CIMIP2C: variants seen among roughly 807,000 people sequenced by gnomAD.
CIMIP2C encodes ciliary microtubule inner protein 2C, also known as UPF0573 protein C2orf70.
chr2:26,565,059 T>TTCCC, the CIMIP2C span, among the ~76,000 whole-genome samples: 6 of 143,318 alleles, frequency 4.2e-5, no homozygotes, highest in East Asian at 1.9e-4. Context: ...TTCTCCTTCT[T>TTCCC]CTTCCCCTTC....
chr2:26,573,627 G>A, the CIMIP2C span, among the ~76,000 whole-genome samples: 48 of 152,240 alleles, frequency 3.2e-4, no homozygotes, highest in Non-Finnish European at 5.0e-4. Flanking sequence ...CAATTCCTCC[G>A]TCTTCCCAGT....
the CIMIP2C span, chr2:26,576,288 T>G: frequency 7.8e-7 from 1 of 1,275,310 alleles, no homozygotes; most frequent in South Asian, 1.5e-5. Flanking sequence ...CACAGTGTCT[T>G]GATTTCCTTT....
At chr2:26,577,683 C>G in the CIMIP2C span, 1 of 1,342,822 alleles carries the variant, frequency 7.4e-7, no homozygotes, top group South Asian at 1.2e-5. Flanking sequence ...CCATGGGGCA[C>G]CTGCTCTCGG....
the CIMIP2C span, chr2:26,572,222 G>C: frequency 4.2e-6 from 6 of 1,412,762 alleles, no homozygotes; most frequent in South Asian, 7.1e-5. Context: ...TACTTTGACA[G>C]GTTTTATAAC....
chr2:26,570,778 T>C, the CIMIP2C span, among the ~76,000 whole-genome samples: 1 of 152,100 alleles, frequency 6.6e-6, no homozygotes, highest in Admixed American at 6.5e-5. Flanking sequence ...TCTGGTGCTG[T>C]ATGGACAGCA....
At chr2:26,568,181 C>G in the CIMIP2C span, among the ~76,000 whole-genome samples, 5 of 152,208 alleles carry the variant, frequency 3.3e-5, no homozygotes, top group Non-Finnish European at 7.3e-5. Context: ...TACAGTCCCT[C>G]AATTCTTCTC....
chr2:26,573,409 C>T, the CIMIP2C span, among the ~76,000 whole-genome samples: 1 of 152,000 alleles, frequency 6.6e-6, no homozygotes, highest in Non-Finnish European at 1.5e-5. Flanking sequence ...GGGAAGAGGC[C>T]GAGAGGGAGG....
At chr2:26,577,087 G>T in the CIMIP2C span, among the ~76,000 whole-genome samples, 1 of 152,194 alleles carries the variant, frequency 6.6e-6, no homozygotes, top group African/African-American at 2.4e-5. Flanking sequence ...ATCTCAGGGG[G>T]TCTGCCAAAG....
At chr2:26,576,259 G>A in the CIMIP2C span, 1 of 1,475,198 alleles carries the variant, frequency 6.8e-7, no homozygotes, top group Non-Finnish European at 9.2e-7. Context: ...CAGGGGCCAG[G>A]GGGAGACCTC....
At chr2:26,562,976 G>A in the CIMIP2C span, 2 of 456,766 alleles carry the variant, frequency 4.4e-6, no homozygotes, top group Non-Finnish European at 7.8e-6. Flanking sequence ...CGGGGAAGGG[G>A]GAGGAGATGG....
At chr2:26,575,671 C>CT in the CIMIP2C span, among the ~76,000 whole-genome samples, 5 of 151,776 alleles carry the variant, frequency 3.3e-5, no homozygotes, top group African/African-American at 1.2e-4. Flanking sequence ...TGCCCTTCAT[C>CT]TTTTTTTTTC....
the CIMIP2C span, among the ~76,000 whole-genome samples, chr2:26,574,747 C>T: frequency 6.6e-6 from 1 of 152,200 alleles, no homozygotes; most frequent in Non-Finnish European, 1.5e-5. Flanking sequence ...CAGAAAGGAG[C>T]AAAGGTGTCA....
chr2:26,567,886 G>A, the CIMIP2C span, among the ~76,000 whole-genome samples: 1 of 152,170 alleles, frequency 6.6e-6, no homozygotes, highest in Non-Finnish European at 1.5e-5. Flanking sequence ...ATGTAACCAG[G>A]GACAGGAATG....
At chr2:26,566,408 C>A in the CIMIP2C span, among the ~76,000 whole-genome samples, 1 of 152,168 alleles carries the variant, frequency 6.6e-6, no homozygotes, top group African/African-American at 2.4e-5. Context: ...CCCCAGAATC[C>A]CTGTACAGCA....
the CIMIP2C span, chr2:26,576,092 C>T: frequency 7.4e-6 from 12 of 1,614,088 alleles, no homozygotes; most frequent in East Asian, 4.5e-5. Context: ...CGCCAGCACC[C>T]GGGACCGCTG....
At chr2:26,567,845 G>A in the CIMIP2C span, among the ~76,000 whole-genome samples, 2 of 152,170 alleles carry the variant, frequency 1.3e-5, no homozygotes, top group Non-Finnish European at 2.9e-5. Context: ...CAGGGCTGCA[G>A]GAGTTTCTAA....
At chr2:26,579,194 C>T in the CIMIP2C span, 4 of 1,435,026 alleles carry the variant, frequency 2.8e-6, no homozygotes, top group Non-Finnish European at 2.9e-6. Flanking sequence ...GCCGGCAGGT[C>T]AGCTTGAGCT....
chr2:26,578,747 C>T, the CIMIP2C span: 1 of 471,066 alleles, frequency 2.1e-6, no homozygotes. Context: ...GTGGGGAGAG[C>T]GGGACATCTC....
At chr2:26,577,749 G>T in the CIMIP2C span, 1 of 718,250 alleles carries the variant, frequency 1.4e-6, no homozygotes, top group Admixed American at 2.6e-5. Flanking sequence ...GCCCTAAAAC[G>T]TGCAGTGCAG....
Sources: allele counts gnomAD v4.1 joint callset (sites outside exome capture counted in the v4.1 genomes callset), GRCh38; gene constraint gnomAD v4.1.1; transcripts MANE v1.5; gene names NCBI Gene and HGNC (gene_info 2026-07-23, HGNC 2026-07-21).